The following DCAF10 variants were observed in gnomAD, a reference collection of about 807,000 sequenced individuals.
DCAF10 encodes DDB1- and CUL4-associated factor 10.
DCAF10 carries 19 observed loss-of-function variants against 51.9 expected under a neutral mutation model. The ratio of observed to expected loss-of-function variants is 0.37; its 90% CI spans 0.26 to 0.54. The LOEUF (loss-of-function observed/expected upper bound fraction) is 0.54. Ranked by LOEUF, DCAF10 falls within the 20% of genes least tolerant of loss-of-function variation. The probability of loss-of-function intolerance (pLI) is 0.87; values close to 1 mark genes in which losing one functional copy is unlikely to be tolerated. For synonymous variants in DCAF10, 291 were observed against 297.1 expected, an observed-to-expected ratio of 0.98 and a Z score of 0.21; for missense variants, 510 against 730.6, an observed-to-expected ratio of 0.70 and a Z score of 3.48.
chr9:37,808,372 C>T (rs560685610), intron 1 of DCAF10, among the ~76,000 whole-genome samples: 5 of 148,940 alleles, frequency 3.4e-5, no homozygotes, highest in African/African-American at 1.2e-4. Flanking sequence ...CGCGCCACTG[C>T]ACTCCAGCCT....
chr9:37,857,643 T>C (rs1830891263), intron 5 of DCAF10, among the ~76,000 whole-genome samples: 1 of 152,224 alleles, frequency 6.6e-6, no homozygotes, highest in Admixed American at 6.5e-5. Context: ...ATCAAGATTG[T>C]TGTGAAAATT....
chr9:37,805,256 C>T (rs1461150478), intron 1 of DCAF10, among the ~76,000 whole-genome samples: 3 of 151,884 alleles, frequency 2.0e-5, no homozygotes. Context: ...CCGAGGCGGG[C>T]GGATCACTTG....
chr9:37,842,753 G>C (rs1317316031), intron 3 of DCAF10, among the ~76,000 whole-genome samples: 1 of 152,176 alleles, frequency 6.6e-6, no homozygotes, highest in African/African-American at 2.4e-5. Context: ...TGGGGGAAGA[G>C]AACTATCTAC....
chr9:37,814,101 T>G (rs1299384411), intron 1 of DCAF10, among the ~76,000 whole-genome samples: 1 of 98,060 alleles, frequency 1.0e-5, no homozygotes, highest in Non-Finnish European at 2.0e-5. Context: ...TATATATATA[T>G]ATATATATAT....
intron 2 of DCAF10, chr9:37,836,161 CAG>C: frequency 7.1e-7 from 1 of 1,399,880 alleles, no homozygotes; most frequent in East Asian, 2.3e-5. Context: ...CTTCTCATAT[CAG>C]TGCATATTTA....
rs554708344 is a variant in DCAF10 at position 37,853,488 on chromosome 9, C to T, written c.852-1292C>T. 9.4e-5 allele frequency among the ~76,000 whole-genome samples: 14 copies of T among 149,446 alleles called. No individual in the cohort carries two copies. The East Asian group carries it at 1.4e-3, about 15-fold the overall frequency. On this transcript the variant is annotated intron_variant, in intron 3 of 6. Transcript: ENST00000377724. The stretch of plus-strand genomic sequence containing the variant: ...TCAAAAAAGGAATTTTGGAGATGAA[C>T]GAAGGAATGATGAGCAAAAAGATTG...
chr9:37,835,151 A>G (rs1245473174), intron 2 of DCAF10, among the ~76,000 whole-genome samples: 1 of 152,106 alleles, frequency 6.6e-6, no homozygotes, highest in Non-Finnish European at 1.5e-5. Context: ...AAGCATCATC[A>G]GGGCCGGGCG....
chr9:37,849,361 A>G (rs1202949184), intron 3 of DCAF10, among the ~76,000 whole-genome samples: 1 of 152,202 alleles, frequency 6.6e-6, no homozygotes, highest in East Asian at 1.9e-4. Flanking sequence ...GGTAGTACAT[A>G]TTTTAGGCTT....
At chr9:37,821,769 C>A (rs1164134618) in intron 2 of DCAF10, among the ~76,000 whole-genome samples, 1 of 152,098 alleles carries the variant, frequency 6.6e-6, no homozygotes. Flanking sequence ...TAGCTGGGAC[C>A]TAATTAAACT....
intron 2 of DCAF10, among the ~76,000 whole-genome samples, chr9:37,841,047 G>A (rs566105933): frequency 1.8e-4 from 27 of 152,154 alleles, no homozygotes; most frequent in African/African-American, 5.8e-4. Flanking sequence ...ATTCTATGAT[G>A]TTCACACAAC....
At chr9:37,841,654 C>G (rs1452843980) in intron 2 of DCAF10, among the ~76,000 whole-genome samples, 2 of 152,144 alleles carry the variant, frequency 1.3e-5, no homozygotes, top group African/African-American at 4.8e-5. Context: ...TTCCTTGTAG[C>G]AGAGCAAATA....
At chr9:37,805,147 A>G (rs900864054) in intron 1 of DCAF10, among the ~76,000 whole-genome samples, 7 of 152,212 alleles carry the variant, frequency 4.6e-5, no homozygotes, top group Non-Finnish European at 1.0e-4. Flanking sequence ...TTTGGGATTA[A>G]TAGAGATGGA....
chr9:37,828,058 A>G (rs914022439), intron 2 of DCAF10, among the ~76,000 whole-genome samples: 3 of 151,872 alleles, frequency 2.0e-5, no homozygotes, highest in Non-Finnish European at 4.4e-5. Context: ...TATTAAAAAA[A>G]ATTTCTTTTT....
rs778486047 is a variant in DCAF10, at chr9:37,801,192, G to C, written c.326G>C (p.Arg109Pro). ...GPDCRAKSRG[R>P]HGLGAGLGGP... is the part of the protein sequence containing the mutation. ...GACTGCAGGGCCAAGAGCCGGGGCC[G>C]ACACGGCCTCGGCGCGGGCCTGGGC... Residue 109 changes from arginine (R) to proline (P), a missense_variant, in exon 1 of 7, where the codon CGA (arginine) becomes CCA (proline). Physicochemically the swap from Arg to Pro is moderately radical, Grantham distance 103. Around this residue, in one of 4 missense-constraint regions of DCAF10, gnomAD observed 251 missense variants for 227.9 expected, o/e 1.10. Transcript: ENST00000377724. This position sits in a 1 kb window ranked among gnomAD's most constrained non-coding sequence, Gnocchi z 5.5. 1.3e-6 allele frequency: 2 copies of C among 1,546,606 alleles called. No homozygotes were observed. Among genetic ancestry groups the C allele is most frequent in the African/African-American group, 2.8e-5 (2 of 70,830 alleles).
At chr9:37,809,959 T>C (rs574198740) in intron 1 of DCAF10, among the ~76,000 whole-genome samples, 21 of 152,280 alleles carry the variant, frequency 1.4e-4, no homozygotes, top group Non-Finnish European at 3.1e-4. Context: ...GAGACCAGCC[T>C]GGCTAACATG....
In DCAF10 at chr9:37,861,226, A is replaced by G; in HGVS notation, c.1398A>G (p.Glu466=). Residue 466 remains glutamate (E), a synonymous_variant, in exon 7 of 7, where the codon GAA becomes GAG. Transcript: ENST00000377724. This position sits in a 1 kb window ranked among gnomAD's most constrained non-coding sequence, Gnocchi z 4.9. ...RCSLRLTHYI[E]EANVGRGYIK... ...CTCTACGACTGACTCATTACATTGAAGAAGCCAATGTAGGCAGGGGTTACA... is the reference window on the plus strand; with the variant it reads ...CTCTACGACTGACTCATTACATTGAGGAAGCCAATGTAGGCAGGGGTTACA... The G allele has an allele frequency of 6.2e-7, 1 of 1,614,188 alleles. No individual in the cohort carries two copies. Among genetic ancestry groups the G allele is most frequent in the Non-Finnish European group, 8.5e-7 (1 of 1,179,996 alleles).
intron 1 of DCAF10, among the ~76,000 whole-genome samples, chr9:37,809,995 A>C (rs1310206755): frequency 6.6e-6 from 1 of 151,986 alleles, no homozygotes; most frequent in Non-Finnish European, 1.5e-5. Context: ...TACTAAAAAT[A>C]CAAAAAAGTA....
chr9:37,829,584 A>G lies in DCAF10; in HGVS notation c.653+10183A>G, dbSNP rs1474764418. ...AAGTATTGGCAGAAAAATACTTGCT[A>G]TTTCTCTCGGCAGCGAAACGTTGAG... On this transcript the variant is annotated intron_variant, in intron 2 of 6. Coordinates refer to ENST00000377724, the MANE Select transcript of DCAF10 (RefSeq NM_024345.5). This position sits in a 1 kb window ranked among gnomAD's most constrained non-coding sequence, Gnocchi z 4.2. Among the ~76,000 whole-genome samples, 1 of 152,262 alleles carries G rather than the reference A, an allele frequency of 6.6e-6. No homozygotes were observed.
chr9:37,819,637 T>C (rs1258718549), intron 2 of DCAF10, among the ~76,000 whole-genome samples: 1 of 152,246 alleles, frequency 6.6e-6, no homozygotes, highest in East Asian at 1.9e-4. Context: ...AATTTTACCT[T>C]TTCATATATT....
Sources: gnomAD v4.1 joint callset for allele counts (sites outside exome capture counted in the v4.1 genomes callset) on GRCh38, gnomAD v4.1.1 for gene constraint, gnomAD v4.1.1 regional missense constraint, Gnocchi (gnomAD v3.1) non-coding constraint, MANE v1.5 for transcripts, NCBI Gene and HGNC (gene_info 2026-07-23, HGNC 2026-07-21) for gene names.